Variants in FAM20A observed in about 807,000 individuals in gnomAD.
FAM20A encodes pseudokinase FAM20A.
In FAM20A, 42 loss-of-function variants were observed where a neutral mutation model predicts 52.0. That is an observed-to-expected ratio of 0.81 (90% CI 0.63 to 1.04). FAM20A has a LOEUF of 1.04. Among genes scored for constraint, FAM20A ranks in the 50% least tolerant of loss-of-function variants. FAM20A has a pLI of 0.00. For missense variants in FAM20A, 742 were observed against 712.7 expected (o/e 1.04, Z -0.47); for synonymous variants, 304 against 298.9 (o/e 1.02, Z -0.18).
At chr17:68,560,608 T>A (rs1261949683) in intron 1 of FAM20A, among the ~76,000 whole-genome samples, 1 of 152,224 alleles carries the variant, frequency 6.6e-6, no homozygotes, top group Non-Finnish European at 1.5e-5. Flanking sequence ...TTGTTTGTAA[T>A]GTTTTGTTAT....
chr17:68,542,644 T>G (rs1267470314), intron 6 of FAM20A, 50 bp downstream of exon 6: 1 of 1,420,668 alleles, frequency 7.0e-7, no homozygotes, highest in East Asian at 2.3e-5. Flanking sequence ...GTGGACACTC[T>G]GGCTTACGAT....
At chr17:68,563,243 G>A (rs892352370) in intron 1 of FAM20A, among the ~76,000 whole-genome samples, 7 of 151,996 alleles carry the variant, frequency 4.6e-5, no homozygotes, top group Admixed American at 6.6e-5. Context: ...AAAATTAGCC[G>A]GGTGTGGTGG....
chr17:68,542,359 C>T (rs1265971622), intron 6 of FAM20A, among the ~76,000 whole-genome samples, 194 bp from the exon 7 acceptor site: 2 of 152,142 alleles, frequency 1.3e-5, no homozygotes, highest in African/African-American at 4.8e-5. Context: ...TCCTGGGAAC[C>T]TGCTTTCAAA....
At position 68,586,224 on chromosome 17, in the gene FAM20A, AG is replaced by A. The variant is rs201042984; in HGVS notation, c.404+14038del. 6.6e-5 allele frequency among the ~76,000 whole-genome samples: 10 copies of A among 152,350 alleles called. No homozygotes were observed. The South Asian group carries it at 8.3e-4, about 13-fold the overall frequency. Reference sequence around the variant, plus strand: ...AGAATTATTTTGTGATTTACCTAAAAGATTAACTCTTGGATAAAGATATAGG... The same window carrying A: ...AGAATTATTTTGTGATTTACCTAAAAATTAACTCTTGGATAAAGATATAGG... On this transcript the variant is annotated intron_variant, in intron 1 of 10. Transcript: ENST00000592554.
At chr17:68,588,628 A>C (rs2088222766) in intron 1 of FAM20A, among the ~76,000 whole-genome samples, 1 of 152,200 alleles carries the variant, frequency 6.6e-6, no homozygotes, top group Non-Finnish European at 1.5e-5. Context: ...CTGTGTCTTC[A>C]CATGGTCTTC....
chr17:68,598,665 C>A (rs2088526283), intron 1 of FAM20A, among the ~76,000 whole-genome samples: 1 of 152,126 alleles, frequency 6.6e-6, no homozygotes, highest in African/African-American at 2.4e-5. Flanking sequence ...AAGCTTAAAA[C>A]TGATTGTAGA....
chr17:68,581,511 TTCTC>T (rs1421593764), intron 1 of FAM20A, among the ~76,000 whole-genome samples: 1 of 143,584 alleles, frequency 7.0e-6, no homozygotes, highest in Non-Finnish European at 1.6e-5. Context: ...TTCTTTCTCT[TTCTC>T]TCCTTTCTTT....
At chr17:68,548,811 CA>C (rs1600554097) in intron 4 of FAM20A, among the ~76,000 whole-genome samples, 1 of 141,848 alleles carries the variant, frequency 7.0e-6, no homozygotes, top group East Asian at 2.2e-4. Context: ...TGGCTCACTG[CA>C]AGCTCCGCCT....
chr17:68,546,662 C>T (rs1354819620), intron 4 of FAM20A, among the ~76,000 whole-genome samples: 1 of 151,996 alleles, frequency 6.6e-6, no homozygotes, highest in African/African-American at 2.4e-5. Flanking sequence ...AACCCTGTCT[C>T]TACTAAAAAT....
chr17:68,589,522 G>T (rs1464557357), intron 1 of FAM20A, among the ~76,000 whole-genome samples: 4 of 152,202 alleles, frequency 2.6e-5, no homozygotes, highest in Non-Finnish European at 5.9e-5. Flanking sequence ...AGTTATCAGA[G>T]ACCAATACCA....
intron 1 of FAM20A, among the ~76,000 whole-genome samples, chr17:68,585,319 T>C (rs887580551): frequency 5.4e-5 from 3 of 55,528 alleles, no homozygotes; most frequent in Non-Finnish European, 1.0e-4. Context: ...ACAAACACTA[T>C]GTTTATTAAT....
At chr17:68,563,452 C>T (rs936495515) in intron 1 of FAM20A, among the ~76,000 whole-genome samples, 1 of 151,312 alleles carries the variant, frequency 6.6e-6, no homozygotes, top group Non-Finnish European at 1.5e-5. Flanking sequence ...TGCACTGGCT[C>T]TGGGAGATGG....
At chr17:68,544,513 T>C (rs1307197883) in intron 4 of FAM20A, among the ~76,000 whole-genome samples, 3 of 152,148 alleles carry the variant, frequency 2.0e-5, no homozygotes, top group African/African-American at 7.2e-5. Context: ...TATAATCCAC[T>C]GTGTGGGACT....
intron 8 of FAM20A, 29 bp downstream of exon 8, chr17:68,540,820 C>A: frequency 1.3e-6 from 2 of 1,572,044 alleles, no homozygotes; most frequent in Non-Finnish European, 1.7e-6. Flanking sequence ...GAGCCCACTT[C>A]TGCTGGGGGC....
At chr17:68,540,112 C>T (rs2086222560) in intron 8 of FAM20A, 146 bp from the exon 9 acceptor site, 1 of 730,086 alleles carries the variant, frequency 1.4e-6, no homozygotes. Context: ...GTCATTTCCT[C>T]AGGGCCATCA....
rs143059408 is a variant in FAM20A, at chr17:68,536,455, A to G, written c.*1022T>C. ...AGTCAGGGAGAAGGTAGAGGAGACA[A>G]GGAATCCCTACTACACTTTCTTCTA... On this transcript the variant is annotated 3_prime_UTR_variant, in exon 11 of 11. Coordinates refer to ENST00000592554, the MANE Select transcript of FAM20A (RefSeq NM_017565.4). 1.3e-4 allele frequency: 58 copies of G among 454,142 alleles called. No individual in the cohort carries two copies. The highest frequency in any genetic ancestry group is 1.1e-3 in the African/African-American group (56 of 50,144). 28.1% of individuals were successfully genotyped at this position (454,142 alleles called of 1,614,324 possible). A position where few individuals can be genotyped will look rare whatever the true frequency, so the allele number is the denominator to read the frequency against.
intron 1 of FAM20A, among the ~76,000 whole-genome samples, chr17:68,597,806 CTATT>C (rs1239047647): frequency 2.0e-5 from 3 of 152,254 alleles, no homozygotes; most frequent in East Asian, 1.9e-4. Context: ...GCTGTCCATT[CTATT>C]TATTTGTCTG....
At chr17:68,562,016 G>C (rs1281703819) in intron 1 of FAM20A, among the ~76,000 whole-genome samples, 5 of 152,260 alleles carry the variant, frequency 3.3e-5, no homozygotes, top group Admixed American at 6.5e-5. Flanking sequence ...TAGAGACGGG[G>C]TTTCGCCATG....
intron 1 of FAM20A, among the ~76,000 whole-genome samples, chr17:68,562,878 T>C (rs1468971517): frequency 3.3e-5 from 5 of 152,182 alleles, no homozygotes; most frequent in Admixed American, 2.0e-4. Context: ...ATGAGAAGAC[T>C]GTACATGAAG....
Sources: gnomAD v4.1 joint callset for allele counts (sites outside exome capture counted in the v4.1 genomes callset) on GRCh38, gnomAD v4.1.1 for gene constraint, MANE v1.5 for transcripts, NCBI Gene and HGNC (gene_info 2026-07-23, HGNC 2026-07-21) for gene names.